The following ZCCHC2 variants were observed in gnomAD, a reference collection of about 807,000 sequenced individuals.
The protein encoded by ZCCHC2 is zinc finger CCHC-type containing 2.
In ZCCHC2, 39 loss-of-function variants were observed where a neutral mutation model predicts 103.6. The observed-to-expected ratio is 0.38, with a 90% CI of 0.29 to 0.49. The LOEUF is 0.49. ZCCHC2 is among the 20% of genes least tolerant of loss of function. The pLI is 0.96. For synonymous variants in ZCCHC2, 687 were observed against 608.9 expected, an observed-to-expected ratio of 1.13 and a Z score of -1.89; for missense variants, 1,483 against 1,491.0, an observed-to-expected ratio of 0.99 and a Z score of 0.09.
intron 1 of ZCCHC2, chr18:62,524,773 C>G (rs1464365271): frequency 5.5e-6 from 1 of 182,154 alleles, no homozygotes; most frequent in Non-Finnish European, 1.1e-5. Flanking sequence ...GCAGTGAGCC[C>G]CAGGCAGCGC....
rs73963453 is a variant in ZCCHC2, at chr18:62,563,214, C to A, written c.1686+70C>A. 3.9e-5 allele frequency: 60 copies of A among 1,535,138 alleles called. No homozygotes were observed. The Middle Eastern group carries it at 8.8e-4, about 22-fold the overall frequency. ...TCCTCTATAAGAAAAAAATTAAGTT[C>A]TGTAAGCTTTCAGTCAGACAGTATA... On this transcript the variant is annotated intron_variant, in intron 9 of 13. Transcript: ENST00000269499.
chr18:62,550,981 C>CT (rs1373842673), intron 5 of ZCCHC2, among the ~76,000 whole-genome samples: 21 of 152,110 alleles, frequency 1.4e-4, no homozygotes. Context: ...GATTAATTCC[C>CT]GGAGCCTCCC....
At position 62,575,185 on chromosome 18, in the gene ZCCHC2, C is replaced by T. The variant is rs746163193; in HGVS notation, c.3104C>T (p.Pro1035Leu). ...GNLQLNSYYY[P>L]NPMPGPMYRV... ...CTTCAGCTAAATAGTTACTATTATC[C>T]TAATCCAATGCCTGGACCAATGTAC... The change falls in exon 13 of 14, where the codon CCT (proline) becomes CTT (leucine). Residue 1035 changes from proline (P) to leucine (L), a missense_variant. Transcript: ENST00000269499. The T allele has an allele frequency of 6.2e-7, 1 of 1,614,034 alleles. No individual in the cohort carries two copies. The highest frequency in any genetic ancestry group is 8.5e-7 in the Non-Finnish European group (1 of 1,179,892).
At chr18:62,539,106 A>C (rs978890009) in intron 1 of ZCCHC2, among the ~76,000 whole-genome samples, 1 of 152,220 alleles carries the variant, frequency 6.6e-6, no homozygotes, top group African/African-American at 2.4e-5. Context: ...CTAGGAGTCA[A>C]AGTTACCCCG....
rs1239928458 is a variant in ZCCHC2, at chr18:62,523,713, C to A, written c.289C>A (p.Arg97=). The A allele has an allele frequency of 4.8e-6, 7 of 1,473,052 alleles. No homozygotes were observed. The highest frequency in any genetic ancestry group is 6.3e-6 in the Non-Finnish European group (7 of 1,119,686). 91.2% of individuals were successfully genotyped at this position (1,473,052 alleles called of 1,614,324 possible). The change falls in exon 1 of 14, where the codon CGG becomes AGG. Residue 97 remains arginine, a synonymous_variant. Coordinates refer to ENST00000269499, the MANE Select transcript of ZCCHC2 (RefSeq NM_017742.6). ...GPSAALREQE[R]VYEWFGLVLG... is the part of the protein sequence containing the mutation. ...CTCGGCGGCGCTGCGCGAGCAGGAG[C>A]GGGTATACGAGTGGTTCGGGCTGGT...
intron 1 of ZCCHC2, among the ~76,000 whole-genome samples, chr18:62,530,423 C>T (rs1451747934): frequency 6.6e-6 from 1 of 152,124 alleles, no homozygotes; most frequent in Non-Finnish European, 1.5e-5. Flanking sequence ...AAATAATTCA[C>T]ATACTGTCTT....
Position 62,543,691 on chromosome 18 carries a change from C to T in ZCCHC2, c.1129-1111C>T, listed in dbSNP as rs577806505. ...CCCTCCTCCGAGATCCTTCTTGACACCCCAGTTCATGTGCATCTCTCCGTT... is the reference window on the plus strand; with the variant it reads ...CCCTCCTCCGAGATCCTTCTTGACATCCCAGTTCATGTGCATCTCTCCGTT... On this transcript the variant is annotated intron_variant, in intron 3 of 13. Coordinates refer to ENST00000269499, the MANE Select transcript of ZCCHC2 (RefSeq NM_017742.6). 2.6e-5 allele frequency among the ~76,000 whole-genome samples: 4 copies of T among 152,330 alleles called. No homozygotes were observed. In the East Asian group the frequency reaches 5.8e-4, roughly 22 times the overall value.
intron 5 of ZCCHC2, among the ~76,000 whole-genome samples, chr18:62,555,826 A>G (rs1915861585): frequency 6.6e-6 from 1 of 152,004 alleles, no homozygotes; most frequent in East Asian, 1.9e-4. Context: ...AAAAAAGTAC[A>G]GCCAAATAAG....
chr18:62,535,547 T>C (rs1353050290), intron 1 of ZCCHC2, among the ~76,000 whole-genome samples: 1 of 152,232 alleles, frequency 6.6e-6, no homozygotes, highest in East Asian at 1.9e-4. Context: ...GGGACACAGC[T>C]GGGGCCCAGA....
intron 4 of ZCCHC2, among the ~76,000 whole-genome samples, chr18:62,546,892 C>G (rs887462601): frequency 6.6e-6 from 1 of 152,198 alleles, no homozygotes; most frequent in Non-Finnish European, 1.5e-5. Flanking sequence ...ATGTTTTTCT[C>G]AAGTAGTATA....
chr18:62,553,988 AAGAC>A (rs1471625788), intron 5 of ZCCHC2, among the ~76,000 whole-genome samples: 18 of 152,244 alleles, frequency 1.2e-4, no homozygotes, highest in Admixed American at 9.2e-4. Flanking sequence ...CATGCCTAGA[AAGAC>A]CTTTTCAAAG....
rs1344641803 is a variant in ZCCHC2 at position 62,523,884 on chromosome 18, G to C, written c.460G>C (p.Gly154Arg). The C allele has an allele frequency of 6.5e-7, 1 of 1,542,132 alleles. No homozygotes were observed. The highest frequency in any genetic ancestry group is 8.7e-7 in the Non-Finnish European group (1 of 1,145,702). The stretch of plus-strand genomic sequence containing the variant: ...GCGCGACTCGGAGGCCAAGGCCAAC[G>C]GCCTCTCGGACCCGGGGCCGCTGGC... ...YLRDSEAKANGLSDPGPLADF... is the reference protein window; with the variant it reads ...YLRDSEAKANRLSDPGPLADF... Residue 154 changes from glycine to arginine, a missense_variant, in exon 1 of 14, where the codon GGC (glycine) becomes CGC (arginine). By Grantham distance (125) the Gly-to-Arg change is moderately radical. Transcript: ENST00000269499.
At chr18:62,542,718 T>C in intron 3 of ZCCHC2, 144 bp downstream of exon 3, 1 of 661,392 alleles carries the variant, frequency 1.5e-6, no homozygotes, top group Non-Finnish European at 2.5e-6. Context: ...TATCATATAC[T>C]ACTGCATGGT....
Position 62,575,792 on chromosome 18 carries a change from T to G in ZCCHC2, c.3469+242T>G, listed in dbSNP as rs118186503. Among the ~76,000 whole-genome samples the G allele has an allele frequency of 2.5e-4, 38 of 152,234 alleles. No homozygotes were observed. The East Asian group carries it at 3.9e-3, about 15-fold the overall frequency. On this transcript the variant is annotated intron_variant, in intron 13 of 13. Transcript: ENST00000269499. Reference sequence around the variant, plus strand: ...TTAAGGAATAAACTCTAAAGGCCCTTTTGAAGGAGTGTGATGGGAATTTGC... The same window carrying G: ...TTAAGGAATAAACTCTAAAGGCCCTGTTGAAGGAGTGTGATGGGAATTTGC...
intron 3 of ZCCHC2, 40 bp from the exon 4 acceptor site, chr18:62,544,762 A>G (rs1915341805): frequency 6.7e-7 from 1 of 1,501,016 alleles, no homozygotes. Flanking sequence ...GTTCCTGCCT[A>G]GGGAATAACC....
chr18:62,557,744 T>C (rs1362195719), intron 6 of ZCCHC2, among the ~76,000 whole-genome samples: 2 of 152,246 alleles, frequency 1.3e-5, no homozygotes, highest in Admixed American at 6.5e-5. Flanking sequence ...GTTAAACTTT[T>C]AGTTCAGATG....
At chr18:62,526,362 C>G (rs963507608) in intron 1 of ZCCHC2, 2 of 152,308 alleles carry the variant, frequency 1.3e-5, no homozygotes, top group Non-Finnish European at 2.9e-5. Context: ...TTTCTAGATG[C>G]GTGGTGTGTG....
intron 14 of ZCCHC2, among the ~76,000 whole-genome samples, chr18:62,583,664 CTGA>C (rs1229824386): frequency 6.9e-6 from 1 of 145,570 alleles, no homozygotes; most frequent in Non-Finnish European, 1.5e-5. Context: ...TAAAAAAATA[CTGA>C]CCCCCCCCTC....
intron 4 of ZCCHC2, among the ~76,000 whole-genome samples, chr18:62,549,568 G>C (rs1324001745): frequency 6.6e-6 from 1 of 152,240 alleles, no homozygotes; most frequent in Non-Finnish European, 1.5e-5. Flanking sequence ...GAAAGTGCCA[G>C]TAATAGGACA....
Sources: allele counts gnomAD v4.1 joint callset (sites outside exome capture counted in the v4.1 genomes callset), GRCh38; gene constraint gnomAD v4.1.1; transcripts MANE v1.5; gene names NCBI Gene and HGNC (gene_info 2026-07-23, HGNC 2026-07-21).